Variants in ZNF48 observed in about 807,000 individuals in gnomAD.
ZNF48 encodes the protein zinc finger protein 553.
Under a neutral mutation model 40.0 loss-of-function variants are expected in ZNF48, and 20 were observed. The observed-to-expected ratio is 0.50, with a 90% CI of 0.35 to 0.73. ZNF48 has a LOEUF of 0.73. ZNF48 is among the 30% of genes least tolerant of loss of function. ZNF48 has a pLI of 0.01. For missense variants in ZNF48, 726 were observed against 851.9 expected, an observed-to-expected ratio of 0.85 and a Z score of 1.84; for synonymous variants, 298 against 329.7, an observed-to-expected ratio of 0.90 and a Z score of 1.04.
Position 30,395,537 on chromosome 16 carries a change from C to T in ZNF48, c.-57C>T. The T allele has an allele frequency of 4.2e-6, 1 of 237,358 alleles. No individual in the cohort carries two copies. The highest frequency in any genetic ancestry group is 8.2e-6 in the Non-Finnish European group (1 of 122,382). The allele number at this position is 237,358 out of a possible 1,614,324, so 14.7% of individuals were successfully genotyped here. On this transcript the variant is annotated 5_prime_UTR_variant, in exon 1 of 3. Coordinates refer to ENST00000613509, the MANE Select transcript of ZNF48 (RefSeq NM_001214909.2). This position sits in a 1 kb window ranked among gnomAD's most constrained non-coding sequence, Gnocchi z 5.9. ...GGCGCCTGCACCCCGCTGAGGAGCT[C>T]CGGAGGGCGCCGGGGTGGCGGAGCC...
chr16:30,379,609 C>T, intron 1 of ZNF48: 3 of 953,602 alleles, frequency 3.1e-6, no homozygotes, highest in South Asian at 1.3e-5. Context: ...TCAATCTCCA[C>T]ACCCGCCTCC....
chr16:30,387,305 A>G (rs2049909526), intron 1 of ZNF48, among the ~76,000 whole-genome samples: 1 of 140,976 alleles, frequency 7.1e-6, no homozygotes, highest in Non-Finnish European at 1.5e-5. Context: ...CTGTAATCCC[A>G]GCACTTTGGG....
chr16:30,399,316 G>C lies in ZNF48; in HGVS notation c.*209G>C. ...AGTCAGGACCTTGCCAGGACGGGCT[G>C]TACCCCTGGCTTCTAGAAGACTGCC... On this transcript the variant is annotated 3_prime_UTR_variant, in exon 3 of 3. Coordinates refer to ENST00000613509, the MANE Select transcript of ZNF48 (RefSeq NM_001214909.2). 3.8e-6 allele frequency: 2 copies of C among 528,874 alleles called. No individual in the cohort carries two copies. The highest frequency in any genetic ancestry group is 6.6e-6 in the Non-Finnish European group (2 of 303,682). 32.8% of individuals were successfully genotyped at this position (528,874 alleles called of 1,614,324 possible). A position where few individuals can be genotyped will look rare whatever the true frequency, so the allele number is the denominator to read the frequency against.
upstream of ZNF48, among the ~76,000 whole-genome samples, chr16:30,393,673 C>T (rs1567431831): frequency 6.6e-6 from 1 of 152,178 alleles, no homozygotes; most frequent in Non-Finnish European, 1.5e-5. Flanking sequence ...GTGTGAGCCA[C>T]TGCACCTGGC....
At chr16:30,380,136 G>T in intron 1 of ZNF48, 2 of 902,088 alleles carry the variant, frequency 2.2e-6, no homozygotes, top group Non-Finnish European at 3.2e-6. Flanking sequence ...GTCAGAGACA[G>T]AGAGAAAGAC....
At position 30,382,808 on chromosome 16, in the gene ZNF48, G is replaced by A; in HGVS notation, c.-16+4398G>A. ...CTCCATCATCGTGGTGAGACATGGG[G>A]TATGTGCAGAGAGGAAGGAAGTGGC... On this transcript the variant is annotated intron_variant, in intron 1 of 2. Coordinates refer to the ZNF48 transcript ENST00000528032. This position sits in a 1 kb window ranked among gnomAD's most constrained non-coding sequence, Gnocchi z 4.8. The A allele has an allele frequency of 2.0e-6, 3 of 1,534,510 alleles. No homozygotes were observed. Among genetic ancestry groups the A allele is most frequent in the Non-Finnish European group, 2.6e-6 (3 of 1,145,736 alleles).
At chr16:30,378,576 G>C in intron 1 of ZNF48, 2 of 1,609,188 alleles carry the variant, frequency 1.2e-6, no homozygotes, top group South Asian at 2.2e-5. Flanking sequence ...GGGACCTGGG[G>C]CATCGGTCGG....
At chr16:30,386,444 A>G (rs2151113696) in intron 1 of ZNF48, among the ~76,000 whole-genome samples, 1 of 152,012 alleles carries the variant, frequency 6.6e-6, no homozygotes, top group East Asian at 1.9e-4. Flanking sequence ...AGGCTGAGGC[A>G]GGAGGATGGC....
At position 30,395,932 on chromosome 16, in the gene ZNF48, CT is replaced by C; in HGVS notation, c.79+61del. ...GTAACGGCCGGTGGGGACTGCGATG[CT>C]TGGCTGTGGCCGGCCGAGATCCTGG... On this transcript the variant is annotated intron_variant, in intron 2 of 2. Transcript: ENST00000613509. The surrounding 1 kb of genome is among the most constrained non-coding windows in gnomAD (Gnocchi z 5.9). 7.0e-7 allele frequency: 1 copy of C among 1,429,494 alleles called. No homozygotes were observed. Among genetic ancestry groups the C allele is most frequent in the Non-Finnish European group, 9.3e-7 (1 of 1,076,740 alleles). The allele number at this position is 1,429,494 out of a possible 1,614,324, so 88.6% of individuals were successfully genotyped here. A position where few individuals can be genotyped will look rare whatever the true frequency, so the allele number is the denominator to read the frequency against.
chr16:30,393,555 T>C (rs955611893), upstream of ZNF48, among the ~76,000 whole-genome samples: 8 of 151,806 alleles, frequency 5.3e-5, no homozygotes, highest in African/African-American at 1.9e-4. Context: ...CTGCTAAGTT[T>C]TGTATTTTTA....
chr16:30,383,203 T>C (rs1176515816), intron 1 of ZNF48, among the ~76,000 whole-genome samples: 2 of 152,142 alleles, frequency 1.3e-5, no homozygotes, highest in East Asian at 1.9e-4. Flanking sequence ...TTCTTTCTTT[T>C]TTTGAGACGG....
intron 1 of ZNF48, chr16:30,379,903 G>A (rs369810763): frequency 1.4e-4 from 182 of 1,272,422 alleles, no homozygotes; most frequent in Non-Finnish European, 1.8e-4. Context: ...CACCGTGCCC[G>A]GCCTGCCTTC....
intron 1 of ZNF48, chr16:30,380,733 G>A (rs1567424751): frequency 8.3e-6 from 2 of 240,580 alleles, no homozygotes; most frequent in Non-Finnish European, 8.3e-6. Context: ...TCTTGCCACT[G>A]TACTGCAGCC....
At chr16:30,396,501 A>G (rs2049985550) in intron 2 of ZNF48, among the ~76,000 whole-genome samples, 1 of 152,158 alleles carries the variant, frequency 6.6e-6, no homozygotes, top group Non-Finnish European at 1.5e-5. Flanking sequence ...TTCTTGAGGA[A>G]GGGATGTGTG....
At position 30,381,893 on chromosome 16, in the gene ZNF48, G is replaced by A. The variant is rs768062058; in HGVS notation, c.-16+3483G>A. On this transcript the variant is annotated intron_variant, in intron 1 of 2. Coordinates refer to the ZNF48 transcript ENST00000528032. The surrounding 1 kb of genome is among the most constrained non-coding windows in gnomAD (Gnocchi z 4.3). ...GTCTGTGTCAAGCGAGCTGTGGGAT[G>A]GGGGAGAGGTCAGGGATCCGGGGAG... is the stretch of plus-strand genomic sequence containing the variant. The A allele has an allele frequency of 1.2e-6, 2 of 1,613,980 alleles. No homozygotes were observed. Among genetic ancestry groups the A allele is most frequent in the East Asian group, 2.2e-5 (1 of 44,886 alleles).
chr16:30,385,496 G>A (rs927572551), intron 1 of ZNF48, among the ~76,000 whole-genome samples: 13 of 151,422 alleles, frequency 8.6e-5, no homozygotes, highest in East Asian at 5.8e-4. Context: ...GTGGTGGCGC[G>A]TGCCTGTAAT....
At chr16:30,379,104 C>A in intron 1 of ZNF48, 1 of 1,614,132 alleles carries the variant, frequency 6.2e-7, no homozygotes, top group South Asian at 1.1e-5. Context: ...GATCGTGCGT[C>A]ACCTCTTTCA....
Position 30,397,455 on chromosome 16 carries a change from C to G in ZNF48, c.205C>G (p.Pro69Ala). ...TGAAGTAGGAAATGCCTCTCTCAAA[C>G]CTGAAGGCATCCAGAACTGGGATGA... is the stretch of plus-strand genomic sequence containing the variant. ...DHEVGNASLK[P>A]EGIQNWDDLW... The change falls in exon 3 of 3, where the codon CCT becomes GCT. Residue 69 changes from proline to alanine, a missense_variant. Coordinates refer to ENST00000613509, the MANE Select transcript of ZNF48 (RefSeq NM_001214909.2). The surrounding 1 kb of genome is among the most constrained non-coding windows in gnomAD (Gnocchi z 4.1). 1 of 1,614,114 alleles carries G rather than the reference C, an allele frequency of 6.2e-7. No homozygotes were observed. The highest frequency in any genetic ancestry group is 2.2e-5 in the East Asian group (1 of 44,890).
At chr16:30,379,942 G>C in intron 1 of ZNF48, 1 of 1,538,330 alleles carries the variant, frequency 6.5e-7, no homozygotes, top group Non-Finnish European at 9.0e-7. Flanking sequence ...CTTCATCTCT[G>C]CATCCTGCCT....
Sources: allele counts gnomAD v4.1 joint callset (sites outside exome capture counted in the v4.1 genomes callset), GRCh38; gene constraint gnomAD v4.1.1; non-coding constraint Gnocchi (gnomAD v3.1); transcripts MANE v1.5; gene names NCBI Gene and HGNC (gene_info 2026-07-23, HGNC 2026-07-21).